Variants in RAB38 observed in about 807,000 individuals in gnomAD.
RAB38 encodes the protein RAB38, member RAS oncogene family, also known as ras-related protein Rab-38.
Under a neutral mutation model 18.4 loss-of-function variants are expected in RAB38, and 15 were observed. That is an observed-to-expected ratio of 0.82 (90% CI 0.55 to 1.26). The LOEUF is 1.26. Among genes scored for constraint, RAB38 ranks in the 50% most tolerant of loss-of-function variants. The pLI is 0.00. For synonymous variants in RAB38, 101 were observed against 104.4 expected, an observed-to-expected ratio of 0.97 and a Z score of 0.20; for missense variants, 294 against 267.4, an observed-to-expected ratio of 1.10 and a Z score of -0.69.
the RAB38 span, among the ~76,000 whole-genome samples, chr11:87,860,129 C>T: frequency 5.9e-5 from 9 of 151,880 alleles, no homozygotes; most frequent in Non-Finnish European, 1.2e-4. Context: ...AAAATAGATG[C>T]TTGATGGGCC....
the RAB38 span, among the ~76,000 whole-genome samples, chr11:87,893,371 C>CATATATATATATATGTGTATATAT: frequency 5.8e-5 from 5 of 86,446 alleles, no homozygotes; most frequent in African/African-American, 2.1e-4. Flanking sequence ...ATATATTTTA[C>CATATATATATATATGTGTATATAT]ATATATATAT....
chr11:87,907,026 A>C, the RAB38 span, among the ~76,000 whole-genome samples: 31 of 152,020 alleles, frequency 2.0e-4, no homozygotes, highest in Non-Finnish European at 4.1e-4. Flanking sequence ...TGTAAGAATC[A>C]TCTTTGTACA....
At chr11:88,152,337 TA>T (rs1023092413) in intron 1 of RAB38, among the ~76,000 whole-genome samples, 5 of 152,278 alleles carry the variant, frequency 3.3e-5, no homozygotes, top group African/African-American at 1.2e-4. Context: ...GCACTTTAAA[TA>T]TATGATAAAG....
chr11:87,845,973 A>G, the RAB38 span, among the ~76,000 whole-genome samples: 1 of 152,110 alleles, frequency 6.6e-6, no homozygotes, highest in Non-Finnish European at 1.5e-5. Context: ...TTTTGACATG[A>G]TATAAAACTG....
chr11:87,914,189 A>C, the RAB38 span, among the ~76,000 whole-genome samples: 1 of 152,084 alleles, frequency 6.6e-6, no homozygotes, highest in African/African-American at 2.4e-5. Flanking sequence ...GAAGAACACA[A>C]AAAAAAGAGG....
At chr11:87,915,147 T>C in the RAB38 span, among the ~76,000 whole-genome samples, 1 of 152,136 alleles carries the variant, frequency 6.6e-6, no homozygotes, top group Non-Finnish European at 1.5e-5. Context: ...GGAAAAGTTA[T>C]AGGCATTTGA....
chr11:87,887,636 A>G, the RAB38 span, among the ~76,000 whole-genome samples: 3,845 of 152,074 alleles, frequency 0.025, 199 homozygotes, highest in Admixed American at 0.13. Flanking sequence ...AATAAAAGAT[A>G]TATGTCATAA....
chr11:87,827,664 A>G, the RAB38 span, among the ~76,000 whole-genome samples: 2 of 152,224 alleles, frequency 1.3e-5, no homozygotes, highest in Non-Finnish European at 2.9e-5. Context: ...GACCTGTCTC[A>G]GAATATTTCT....
At chr11:88,072,811 A>G in the RAB38 span, among the ~76,000 whole-genome samples, 1 of 152,180 alleles carries the variant, frequency 6.6e-6, no homozygotes, top group Non-Finnish European at 1.5e-5. Flanking sequence ...AAGTAGAAAA[A>G]AAAAAGACTT....
At chr11:87,950,181 T>C in the RAB38 span, among the ~76,000 whole-genome samples, 2 of 152,200 alleles carry the variant, frequency 1.3e-5, no homozygotes, top group Non-Finnish European at 2.9e-5. Flanking sequence ...TGGTTTAAAG[T>C]CTGTTTTATC....
the RAB38 span, among the ~76,000 whole-genome samples, chr11:87,977,705 A>G: frequency 9.1e-6 from 1 of 109,810 alleles, no homozygotes; most frequent in Non-Finnish European, 1.7e-5. Context: ...ATAGGGATAT[A>G]TTATATATTT....
chr11:88,067,422 G>A, the RAB38 span, among the ~76,000 whole-genome samples: 1 of 150,056 alleles, frequency 6.7e-6, no homozygotes, highest in Non-Finnish European at 1.5e-5. Context: ...AAGTAATAAA[G>A]CTGAGATTCA....
the RAB38 span, among the ~76,000 whole-genome samples, chr11:87,925,445 T>C: frequency 6.6e-6 from 1 of 152,040 alleles, no homozygotes; most frequent in African/African-American, 2.4e-5. Context: ...TTTTACACTA[T>C]AATTGTTTTT....
the RAB38 span, among the ~76,000 whole-genome samples, chr11:87,823,012 C>G: frequency 2.0e-5 from 3 of 152,078 alleles, no homozygotes; most frequent in Admixed American, 2.0e-4. Context: ...ATATTAAAGT[C>G]TTGTTAAATG....
At chr11:87,908,273 T>G in the RAB38 span, among the ~76,000 whole-genome samples, 2 of 151,968 alleles carry the variant, frequency 1.3e-5, no homozygotes, top group Non-Finnish European at 2.9e-5. Flanking sequence ...GAGCTTGCTC[T>G]TGTAAGAAAA....
the RAB38 span, among the ~76,000 whole-genome samples, chr11:87,823,228 C>T: frequency 6.6e-6 from 1 of 152,048 alleles, no homozygotes; most frequent in African/African-American, 2.4e-5. Context: ...TACTTGTATA[C>T]TGAAAACCAG....
At position 88,155,336 on chromosome 11, in the gene RAB38, T is replaced by A. The variant is rs1394188673; in HGVS notation, c.203-5381A>T. Among the ~76,000 whole-genome samples the A allele has an allele frequency of 4.6e-5, 7 of 152,176 alleles. No individual in the cohort carries two copies. The East Asian group carries it at 1.3e-3, about 29-fold the overall frequency. On this transcript the variant is annotated intron_variant, in intron 1 of 2. Transcript: ENST00000243662. ...GGATCAAGTATACACCTAGCCACAT[T>A]GACCACAGCCTGCTATCATGCATAA...
At chr11:88,150,768 A>C (rs1943053672) in intron 1 of RAB38, among the ~76,000 whole-genome samples, 1 of 152,218 alleles carries the variant, frequency 6.6e-6, no homozygotes, top group African/African-American at 2.4e-5. Context: ...TCTAGGGCTC[A>C]CAGTCTTTTA....
chr11:88,071,539 A>G, the RAB38 span, among the ~76,000 whole-genome samples: 12 of 152,172 alleles, frequency 7.9e-5, no homozygotes, highest in Non-Finnish European at 1.6e-4. Context: ...AAGACACACC[A>G]CAAATTAAAG....
Sources: gnomAD v4.1 joint callset for allele counts (sites outside exome capture counted in the v4.1 genomes callset) on GRCh38, gnomAD v4.1.1 for gene constraint, MANE v1.5 for transcripts, NCBI Gene and HGNC (gene_info 2026-07-23, HGNC 2026-07-21) for gene names.